The following DCC variants were observed in gnomAD, a reference collection of about 807,000 sequenced individuals.
The protein encoded by DCC is netrin receptor DCC.
DCC carries 58 observed loss-of-function variants against 172.5 expected under a neutral mutation model. The observed-to-expected ratio is 0.34, with a 90% CI of 0.27 to 0.42. The LOEUF (loss-of-function observed/expected upper bound fraction) is 0.42. Among genes scored for constraint, DCC ranks in the 10% least tolerant of loss-of-function variants. DCC has a pLI of 1.00. For missense variants in DCC, 1,740 were observed against 1,791.0 expected, an observed-to-expected ratio of 0.97 and a Z score of 0.51; for synonymous variants, 709 against 644.5, an observed-to-expected ratio of 1.10 and a Z score of -1.52.
At chr18:53,119,305 G>C (rs1052875749) in intron 7 of DCC, among the ~76,000 whole-genome samples, 5 of 151,554 alleles carry the variant, frequency 3.3e-5, no homozygotes, top group Non-Finnish European at 2.9e-5. Flanking sequence ...CTCTTTTCTG[G>C]TATTTATCTC....
At chr18:53,428,355 G>GATATA (rs1568125895) in intron 21 of DCC, among the ~76,000 whole-genome samples, 1 of 49,450 alleles carries the variant, frequency 2.0e-5, no homozygotes, top group Non-Finnish European at 3.9e-5. Context: ...TATAATATAT[G>GATATA]TTGTATATAA....
chr18:53,041,049 T>C (rs2042162155), intron 5 of DCC, among the ~76,000 whole-genome samples: 1 of 152,064 alleles, frequency 6.6e-6, no homozygotes, highest in Non-Finnish European at 1.5e-5. Context: ...TTAGATCCCA[T>C]GTATTAATCT....
intron 1 of DCC, among the ~76,000 whole-genome samples, chr18:52,549,999 A>C (rs2144720504): frequency 6.6e-6 from 1 of 152,130 alleles, no homozygotes; most frequent in Non-Finnish European, 1.5e-5. Flanking sequence ...AAAAAAAGTA[A>C]CTTTATAGTA....
intron 5 of DCC, among the ~76,000 whole-genome samples, chr18:52,951,531 G>T (rs190284293): frequency 5.5e-4 from 83 of 152,236 alleles, no homozygotes; most frequent in African/African-American, 1.9e-3. Flanking sequence ...AGAACATGCG[G>T]TGTTTGGTTT....
At chr18:53,484,620 TA>T (rs1326750587) in intron 25 of DCC, among the ~76,000 whole-genome samples, 6 of 152,066 alleles carry the variant, frequency 3.9e-5, no homozygotes, top group Admixed American at 3.3e-4. Context: ...TGGTGTGAGA[TA>T]AGGGTCCAAT....
intron 14 of DCC, among the ~76,000 whole-genome samples, chr18:53,330,032 A>C (rs1343668865): frequency 6.6e-6 from 1 of 152,218 alleles, no homozygotes; most frequent in African/African-American, 2.4e-5. Context: ...CTCTTACATC[A>C]AACTAGTTGA....
Position 52,952,873 on chromosome 18 carries a change from C to T in DCC, c.985+27503C>T, listed in dbSNP as rs562892227. 1.4e-4 allele frequency among the ~76,000 whole-genome samples: 21 copies of T among 151,800 alleles called. No individual in the cohort carries two copies. The East Asian group carries it at 4.1e-3, about 30-fold the overall frequency. ...ATTAGCTGAGCACAGTCACACATGC[C>T]TGTAGTCCCAGCTACTCAAGAGGCT... On this transcript the variant is annotated intron_variant, in intron 5 of 28. Transcript: ENST00000442544.
chr18:53,063,282 CT>C (rs751734760), intron 5 of DCC, 22 bp from the exon 6 acceptor site: 162 of 1,459,688 alleles, frequency 1.1e-4, no homozygotes, highest in South Asian at 1.6e-4. Context: ...CACTCACTCA[CT>C]TTTTTTTTTC....
intron 5 of DCC, among the ~76,000 whole-genome samples, chr18:52,988,130 C>G (rs888646415): frequency 2.6e-5 from 4 of 152,054 alleles, no homozygotes; most frequent in Non-Finnish European, 4.4e-5. Flanking sequence ...TTGGATATTA[C>G]AGAATATAGT....
At chr18:52,799,912 T>G (rs1044066566) in intron 2 of DCC, among the ~76,000 whole-genome samples, 16 of 152,316 alleles carry the variant, frequency 1.1e-4, no homozygotes, top group Middle Eastern at 6.8e-3. Flanking sequence ...GCTCTAATTG[T>G]TCTTCAGTTA....
chr18:53,018,705 G>C (rs1050105656), intron 5 of DCC, among the ~76,000 whole-genome samples: 1 of 152,114 alleles, frequency 6.6e-6, no homozygotes, highest in Non-Finnish European at 1.5e-5. Flanking sequence ...CAAATGAATA[G>C]ATGAAAGAAC....
chr18:53,324,730 A>C (rs2057448567), intron 14 of DCC, among the ~76,000 whole-genome samples: 1 of 152,108 alleles, frequency 6.6e-6, no homozygotes, highest in Non-Finnish European at 1.5e-5. Context: ...AAAATAGAAG[A>C]GTGGTCACAA....
At chr18:52,842,032 CAATG>C (rs2038815973) in intron 2 of DCC, among the ~76,000 whole-genome samples, 1 of 151,256 alleles carries the variant, frequency 6.6e-6, no homozygotes, top group African/African-American at 2.4e-5. Flanking sequence ...ACATATATAT[CAATG>C]AAACTATTTT....
chr18:52,405,651 A>C (rs1219687604), intron 1 of DCC, among the ~76,000 whole-genome samples: 6 of 151,014 alleles, frequency 4.0e-5, no homozygotes, highest in Non-Finnish European at 8.9e-5. Context: ...ACTACAAACC[A>C]CTGCTCAAGG....
chr18:53,433,203 T>C (rs1911732884), intron 21 of DCC, among the ~76,000 whole-genome samples: 1 of 152,170 alleles, frequency 6.6e-6, no homozygotes, highest in Admixed American at 6.5e-5. Flanking sequence ...CTATACGGCA[T>C]CTGATTTCTT....
At chr18:53,371,747 T>G (rs8098039) in intron 15 of DCC, among the ~76,000 whole-genome samples, 31,862 of 151,836 alleles carry the variant, frequency 0.21, 3,610 homozygotes, top group Middle Eastern at 0.34. Flanking sequence ...TCAACTATTT[T>G]ATAATTATAA....
Position 52,463,845 on chromosome 18 carries a change from T to C in DCC, c.91+122967T>C, listed in dbSNP as rs370897637. On this transcript the variant is annotated intron_variant, in intron 1 of 28. Transcript: ENST00000442544. ...TAATCATAAGTAGAGATATATACGT[T>C]GATCACCTACATTTTTAAGTGTTTT... 9.3e-4 allele frequency among the ~76,000 whole-genome samples: 141 copies of C among 152,330 alleles called. 3 individuals carry two copies. The South Asian group carries it at 0.023, about 25-fold the overall frequency.
At chr18:53,411,876 T>C (rs1034460865) in intron 20 of DCC, among the ~76,000 whole-genome samples, 7 of 152,304 alleles carry the variant, frequency 4.6e-5, no homozygotes, top group African/African-American at 1.4e-4. Flanking sequence ...CAACTCGTTA[T>C]TCATTTTGTG....
At chr18:53,158,075 A>G (rs1166064347) in intron 8 of DCC, among the ~76,000 whole-genome samples, 1 of 152,216 alleles carries the variant, frequency 6.6e-6, no homozygotes, top group Non-Finnish European at 1.5e-5. Context: ...ATCAAAATAC[A>G]TCATGTATCC....
Sources: gnomAD v4.1 joint callset for allele counts (sites outside exome capture counted in the v4.1 genomes callset) on GRCh38, gnomAD v4.1.1 for gene constraint, MANE v1.5 for transcripts, NCBI Gene and HGNC (gene_info 2026-07-23, HGNC 2026-07-21) for gene names.